The following CLASRP variants were observed in gnomAD, a reference collection of about 807,000 sequenced individuals.
CLASRP encodes the protein CLK4 associating serine/arginine rich protein.
In CLASRP, 52 loss-of-function variants were observed where a neutral mutation model predicts 99.9. That is an observed-to-expected ratio of 0.52 (90% CI 0.42 to 0.66). CLASRP has a LOEUF of 0.66. Ranked by LOEUF, CLASRP falls within the 30% of genes least tolerant of loss-of-function variation. The probability of loss-of-function intolerance (pLI) is 0.00; values close to 1 mark genes in which losing one functional copy is unlikely to be tolerated. For missense variants in CLASRP, 848 were observed against 999.2 expected (o/e 0.85, Z 2.04); for synonymous variants, 379 against 373.0 (o/e 1.02, Z -0.18).
Position 45,060,046 on chromosome 19 carries a change from T to C in CLASRP, c.711-343T>C, listed in dbSNP as rs1966904434. 6.6e-6 allele frequency among the ~76,000 whole-genome samples: 1 copy of C among 152,206 alleles called. No homozygotes were observed. Among genetic ancestry groups the C allele is most frequent in the Non-Finnish European group, 1.5e-5 (1 of 68,042 alleles). On this transcript the variant is annotated intron_variant, in intron 8 of 20. Coordinates refer to ENST00000221455, the MANE Select transcript of CLASRP (RefSeq NM_007056.3). The surrounding 1 kb of genome is among the most constrained non-coding windows in gnomAD (Gnocchi z 4.6). ...AGGTTTTTCTCTAGATACCCTGTTTTGTGTGGCTTCCCTGAGCTCCCTCTT... is the reference window on the plus strand; with the variant it reads ...AGGTTTTTCTCTAGATACCCTGTTTCGTGTGGCTTCCCTGAGCTCCCTCTT...
At chr19:45,061,461 GTCTC>G (rs565806809) in intron 10 of CLASRP, among the ~76,000 whole-genome samples, 13 of 152,042 alleles carry the variant, frequency 8.6e-5, no homozygotes, top group East Asian at 3.9e-4. Flanking sequence ...AGCTGTGATA[GTCTC>G]TCTTTTTTTT....
At chr19:45,046,201 C>T (rs988122322) in intron 2 of CLASRP, among the ~76,000 whole-genome samples, 4 of 152,064 alleles carry the variant, frequency 2.6e-5, no homozygotes, top group African/African-American at 9.7e-5. Flanking sequence ...GGCTGTGGAG[C>T]GAGTGTCAGT....
intron 2 of CLASRP, among the ~76,000 whole-genome samples, chr19:45,049,967 G>A (rs1471890308): frequency 6.6e-6 from 1 of 152,206 alleles, no homozygotes; most frequent in Non-Finnish European, 1.5e-5. Context: ...GAGTGAAGGA[G>A]CTGGGGTAGA....
chr19:45,058,083 T>G (rs960536784), intron 7 of CLASRP, 185 bp downstream of exon 7: 7 of 668,160 alleles, frequency 1.0e-5, no homozygotes, highest in African/African-American at 9.1e-5. Context: ...GGCCTTCCTC[T>G]GCCTCACTCA....
rs900777387 is a variant in CLASRP at position 45,053,253 on chromosome 19, A to C, written c.379+76A>C. ...GGAAGACCTAGATAGGTTTGGGAAG[A>C]AAAGTTTTATCCACATACTTTCTAC... On this transcript the variant is annotated intron_variant, in intron 5 of 20. Coordinates refer to ENST00000221455, the MANE Select transcript of CLASRP (RefSeq NM_007056.3). The C allele has an allele frequency of 4.1e-6, 6 of 1,472,178 alleles. No individual in the cohort carries two copies. In the African/African-American group the frequency reaches 8.4e-5, roughly 20 times the overall value. The allele number at this position is 1,472,178 out of a possible 1,614,324, so 91.2% of individuals were successfully genotyped here.
At chr19:45,053,327 C>A in intron 5 of CLASRP, 150 bp downstream of exon 5, 1 of 711,520 alleles carries the variant, frequency 1.4e-6, no homozygotes, top group Non-Finnish European at 2.4e-6. Flanking sequence ...CTCACTTTGC[C>A]TGCATCTCTT....
At position 45,067,618 on chromosome 19, in the gene CLASRP, A is replaced by G. The variant is rs766177860; in HGVS notation, c.1667+24A>G. ...AAGTGAGCGGGGCGGGTCTGGAGGA[A>G]GAGGGCTGCCAATCTCGGGTGGGGA... On this transcript the variant is annotated intron_variant, in intron 14 of 20. Coordinates refer to ENST00000221455, the MANE Select transcript of CLASRP (RefSeq NM_007056.3). The surrounding 1 kb of genome is among the most constrained non-coding windows in gnomAD (Gnocchi z 4.9). 184 of 1,566,586 alleles carry G rather than the reference A, an allele frequency of 1.2e-4. No individual in the cohort carries two copies. The highest frequency in any genetic ancestry group is 1.5e-4 in the Non-Finnish European group (172 of 1,156,388).
In CLASRP at chr19:45,067,605, C is replaced by A; in HGVS notation, c.1667+11C>A. 1 of 1,582,072 alleles carries A rather than the reference C, an allele frequency of 6.3e-7. No homozygotes were observed. Among genetic ancestry groups the A allele is most frequent in the Non-Finnish European group, 8.6e-7 (1 of 1,165,590 alleles). The stretch of plus-strand genomic sequence containing the variant: ...CGAGAAGCTGAAAAAGTGAGCGGGG[C>A]GGGTCTGGAGGAAGAGGGCTGCCAA... On this transcript the variant is annotated intron_variant, in intron 14 of 20. Coordinates refer to ENST00000221455, the MANE Select transcript of CLASRP (RefSeq NM_007056.3). This position sits in a 1 kb window ranked among gnomAD's most constrained non-coding sequence, Gnocchi z 4.9.
At chr19:45,044,023 A>T (rs1971866562) in intron 2 of CLASRP, among the ~76,000 whole-genome samples, 1 of 152,112 alleles carries the variant, frequency 6.6e-6, no homozygotes, top group Non-Finnish European at 1.5e-5. Context: ...CTGAGACTAT[A>T]GGTGCCCACC....
At chr19:45,052,575 T>G (rs982875285) in intron 3 of CLASRP, among the ~76,000 whole-genome samples, 2 of 152,082 alleles carry the variant, frequency 1.3e-5, no homozygotes, top group African/African-American at 4.8e-5. Flanking sequence ...GTCAGATGAC[T>G]GGCCTGTTTC....
intron 16 of CLASRP, 49 bp downstream of exon 16, chr19:45,068,529 G>A: frequency 7.3e-7 from 1 of 1,371,528 alleles, no homozygotes; most frequent in Non-Finnish European, 1.0e-6. Flanking sequence ...TCTTTCCCTT[G>A]GCAGTGGGAG....
Position 45,068,490 on chromosome 19 carries a change from G to C in CLASRP, c.1768+10G>C. 6.2e-7 allele frequency: 1 copy of C among 1,602,286 alleles called. No homozygotes were observed. Among genetic ancestry groups the C allele is most frequent in the Non-Finnish European group, 8.6e-7 (1 of 1,169,296 alleles). ...GCGCTGAACAGGCAGTGTATGTTCT[G>C]CCCTGTCCCTCCAGGGTTTCACAGC... On this transcript the variant is annotated intron_variant, in intron 16 of 20. Coordinates refer to ENST00000221455, the MANE Select transcript of CLASRP (RefSeq NM_007056.3).
At chr19:45,052,220 G>C in intron 3 of CLASRP, 52 bp downstream of exon 3, 1 of 1,488,480 alleles carries the variant, frequency 6.7e-7, no homozygotes, top group Non-Finnish European at 9.4e-7. Context: ...GAGTCAAAAC[G>C]GACCTGGGGT....
chr19:45,070,671 G>C, intron 20 of CLASRP, 110 bp downstream of exon 20: 1 of 1,310,804 alleles, frequency 7.6e-7, no homozygotes, highest in Non-Finnish European at 1.1e-6. Flanking sequence ...CCAGTTGGAG[G>C]GGCTGGTCTC....
At chr19:45,069,771 G>A in intron 18 of CLASRP, 1 of 513,306 alleles carries the variant, frequency 1.9e-6, no homozygotes, top group Non-Finnish European at 3.5e-6. Context: ...CCCCAGTGCG[G>A]CAGGAAATGA....
At chr19:45,057,539 G>T (rs1472471007) in intron 6 of CLASRP, among the ~76,000 whole-genome samples, 1 of 152,172 alleles carries the variant, frequency 6.6e-6, no homozygotes. Flanking sequence ...CCACCCTAGG[G>T]TACCAGTCAA....
chr19:45,069,062 A>G lies in CLASRP; in HGVS notation c.1769-4A>G, dbSNP rs776292052. 2.5e-6 allele frequency: 4 copies of G among 1,613,764 alleles called. No individual in the cohort carries two copies. The highest frequency in any genetic ancestry group is 2.2e-5 in the East Asian group (1 of 44,868). On this transcript the variant is annotated splice_region_variant and splice_polypyrimidine_tract_variant and intron_variant, in intron 16 of 20. Coordinates refer to ENST00000221455, the MANE Select transcript of CLASRP (RefSeq NM_007056.3). ...CTCAGCCACCCTGTTCTTTCTCTCTACAGTCAAGGCGGATAAGAAGGCGGC... is the reference window on the plus strand; with the variant it reads ...CTCAGCCACCCTGTTCTTTCTCTCTGCAGTCAAGGCGGATAAGAAGGCGGC...
chr19:45,067,929 C>A lies in CLASRP; in HGVS notation c.1668-86C>A. 1 of 1,024,280 alleles carries A rather than the reference C, an allele frequency of 9.8e-7. No individual in the cohort carries two copies. The highest frequency in any genetic ancestry group is 1.3e-5 in the South Asian group (1 of 78,588). The allele number at this position is 1,024,280 out of a possible 1,614,324, so 63.4% of individuals were successfully genotyped here. ...GAGGCCCATGCCTTGGCTACCTGGT[C>A]TGAGGGCAGTGCTGAGGCTGGGGTC... On this transcript the variant is annotated intron_variant, in intron 14 of 20. Coordinates refer to ENST00000221455, the MANE Select transcript of CLASRP (RefSeq NM_007056.3). The surrounding 1 kb of genome is among the most constrained non-coding windows in gnomAD (Gnocchi z 4.9).
In CLASRP at chr19:45,039,082, G is replaced by T. The variant is rs1042541505; in HGVS notation, c.-56G>T. 6.6e-6 allele frequency: 1 copy of T among 152,140 alleles called. No homozygotes were observed. The highest frequency in any genetic ancestry group is 2.4e-5 in the African/African-American group (1 of 41,438). The allele number at this position is 152,140 out of a possible 1,614,324, so 9.4% of individuals were successfully genotyped here. ...CTTCCGGTGCGGGCCGCGCGCGAGC[G>T]CAGCGGTGGGAGGCGGCGACCAGCC... is the stretch of plus-strand genomic sequence containing the variant. On this transcript the variant is annotated 5_prime_UTR_variant, in exon 1 of 21. Coordinates refer to ENST00000221455, the MANE Select transcript of CLASRP (RefSeq NM_007056.3).
Sources: gnomAD v4.1 joint callset for allele counts (sites outside exome capture counted in the v4.1 genomes callset) on GRCh38, gnomAD v4.1.1 for gene constraint, Gnocchi (gnomAD v3.1) non-coding constraint, MANE v1.5 for transcripts, NCBI Gene and HGNC (gene_info 2026-07-23, HGNC 2026-07-21) for gene names.